The following CAPS2 variants were observed in gnomAD, a reference collection of about 807,000 sequenced individuals.
The protein encoded by CAPS2 is calcyphosin-2.
In CAPS2, 98 loss-of-function variants were observed where a neutral mutation model predicts 86.5. The ratio of observed to expected loss-of-function variants is 1.13; its 90% confidence interval spans 0.96 to 1.34. CAPS2 has a LOEUF of 1.34. CAPS2 is among the 40% of genes most tolerant of loss of function. The pLI is 0.00. For missense variants in CAPS2, 729 were observed against 686.8 expected (o/e 1.06, Z -0.69); for synonymous variants, 210 against 225.1 (o/e 0.93, Z 0.60).
intron 4 of CAPS2, among the ~76,000 whole-genome samples, chr12:75,321,929 T>C (rs1485357672): frequency 6.6e-6 from 1 of 152,114 alleles, no homozygotes; most frequent in Non-Finnish European, 1.5e-5. Flanking sequence ...CTGTAAATCA[T>C]TTTTTTCATA....
intron 1 of CAPS2, among the ~76,000 whole-genome samples, chr12:75,363,936 A>C (rs1355062100): frequency 6.6e-6 from 1 of 152,228 alleles, no homozygotes; most frequent in African/African-American, 2.4e-5. Context: ...GTCAAAAGTC[A>C]AAGGCAGATT....
At chr12:75,303,294 A>G (rs575811125) in intron 8 of CAPS2, among the ~76,000 whole-genome samples, 1 of 152,364 alleles carries the variant, frequency 6.6e-6, no homozygotes, top group African/African-American at 2.4e-5. Context: ...CATCTTATAT[A>G]CAATTAAATT....
chr12:75,276,588 T>A (rs1470748008), downstream of CAPS2: 3 of 970,830 alleles, frequency 3.1e-6, no homozygotes, highest in Admixed American at 1.9e-4. Context: ...CAAATATGTA[T>A]GTCCTTTCCA....
At chr12:75,284,800 G>A (rs73357356) in intron 15 of CAPS2, among the ~76,000 whole-genome samples, 161 bp downstream of exon 15, 1,920 of 151,662 alleles carry the variant, frequency 0.013, 56 homozygotes, top group African/African-American at 0.045. Context: ...CTTCATTCTG[G>A]GTTGATTTGT....
intron 1 of CAPS2, among the ~76,000 whole-genome samples, chr12:75,379,887 G>A (rs1289545313): frequency 1.4e-5 from 2 of 147,012 alleles, no homozygotes; most frequent in Non-Finnish European, 3.0e-5. Context: ...ATTGTAGAGT[G>A]ACCAAAAATC....
At chr12:75,327,550 TA>T (rs2040896619), upstream of CAPS2, among the ~76,000 whole-genome samples, 1 of 152,040 alleles carries the variant, frequency 6.6e-6, no homozygotes, top group South Asian at 2.1e-4. Flanking sequence ...AGATTTATTT[TA>T]ATAGTAAATT....
intron 1 of CAPS2, among the ~76,000 whole-genome samples, chr12:75,359,355 G>GTTTTTTTTTTTTTTTT (rs1463566931): frequency 2.2e-5 from 1 of 46,432 alleles, no homozygotes; most frequent in Non-Finnish European, 4.2e-5. Flanking sequence ...CAGCATTGTT[G>GTTTTTTTTTTTTTTTT]TCTTTTTTTT....
At chr12:75,368,329 T>C (rs1181172344) in intron 1 of CAPS2, among the ~76,000 whole-genome samples, 1 of 151,386 alleles carries the variant, frequency 6.6e-6, no homozygotes, top group Non-Finnish European at 1.5e-5. Context: ...ATTATTTTGC[T>C]GAGTTTTTAA....
chr12:75,305,755 G>T, intron 7 of CAPS2: 2 of 710,294 alleles, frequency 2.8e-6, no homozygotes, highest in Admixed American at 3.6e-5. Flanking sequence ...AGAAGAAGAT[G>T]ATCATCTGGT....
intron 1 of CAPS2, chr12:75,369,696 T>C: frequency 1.0e-6 from 1 of 985,078 alleles, no homozygotes; most frequent in Non-Finnish European, 1.2e-6. Flanking sequence ...AGTTAACTAC[T>C]TTATAGCTTT....
At chr12:75,324,150 G>C (rs752362958) in intron 2 of CAPS2, among the ~76,000 whole-genome samples, 1 of 152,142 alleles carries the variant, frequency 6.6e-6, no homozygotes, top group Non-Finnish European at 1.5e-5. Context: ...ATTTGACTCA[G>C]CCAAGAAATC....
intron 10 of CAPS2, 44 bp downstream of exon 10, chr12:75,298,827 G>A (rs7485576): frequency 0.36 from 569,947 of 1,590,038 alleles, 107,087 homozygotes; most frequent in East Asian, 0.42. Context: ...AGCTTCTCTC[G>A]GAAGTGAACA....
intron 1 of CAPS2, among the ~76,000 whole-genome samples, chr12:75,363,623 A>C (rs1303142304): frequency 6.6e-6 from 1 of 152,212 alleles, no homozygotes; most frequent in African/African-American, 2.4e-5. Context: ...TCTCAAAATA[A>C]ATATGCTTTT....
intron 7 of CAPS2, among the ~76,000 whole-genome samples, chr12:75,311,699 G>GAAAAAAAAAAAAAAAAAAA (rs764314438): frequency 5.9e-5 from 1 of 17,022 alleles, no homozygotes; most frequent in Non-Finnish European, 1.6e-4. Flanking sequence ...AAGCCATGCA[G>GAAAAAAAAAAAAAAAAAAA]GAAAAAAAAA....
At chr12:75,318,445 C>T (rs777645805) in intron 5 of CAPS2, among the ~76,000 whole-genome samples, 11 of 152,084 alleles carry the variant, frequency 7.2e-5, no homozygotes, top group Non-Finnish European at 1.2e-4. Flanking sequence ...GCTTGCGTGG[C>T]GTCCCTGATC....
chr12:75,279,043 G>C, exon 17 of CAPS2: 3 of 1,598,678 alleles, frequency 1.9e-6, no homozygotes, highest in Non-Finnish European at 2.6e-6. Context: ...AGGATGATTT[G>C]ATTTCTTCCT....
chr12:75,375,333 A>T (rs113300028), intron 1 of CAPS2, among the ~76,000 whole-genome samples: 1 of 152,130 alleles, frequency 6.6e-6, no homozygotes, highest in Non-Finnish European at 1.5e-5. Context: ...GAGGACCACA[A>T]TGATGTTTTG....
Position 75,299,838 on chromosome 12 carries a change from G to A in CAPS2, c.853C>T (p.Arg285Cys), listed in dbSNP as rs562989650. The change falls in exon 9 of 17, where the codon CGT becomes TGT. Residue 285 changes from arginine to cysteine, a missense_variant and splice_region_variant. Coordinates refer to ENST00000393284, the Ensembl canonical transcript of CAPS2. ...AAATTTTAATAAAATCACAATTACC[G>A]TGATACGATCCTACCATCAAACTGT... is the stretch of plus-strand genomic sequence containing the variant. The A allele has an allele frequency of 4.4e-5, 65 of 1,468,340 alleles. No homozygotes were observed. Among genetic ancestry groups the A allele is most frequent in the South Asian group, 1.9e-4 (15 of 77,806 alleles). 91.0% of individuals were successfully genotyped at this position (1,468,340 alleles called of 1,614,324 possible).
intron 1 of CAPS2, among the ~76,000 whole-genome samples, chr12:75,383,452 T>C (rs2045113319): frequency 6.6e-6 from 1 of 152,172 alleles, no homozygotes; most frequent in South Asian, 2.1e-4. Flanking sequence ...AGGCATTACA[T>C]AATAATAAAG....
Sources: allele counts gnomAD v4.1 joint callset (sites outside exome capture counted in the v4.1 genomes callset), GRCh38; gene constraint gnomAD v4.1.1; transcripts MANE v1.5; gene names NCBI Gene and HGNC (gene_info 2026-07-23, HGNC 2026-07-21).